The following SRPK2 variants were observed in gnomAD, a reference collection of about 807,000 sequenced individuals.
The protein encoded by SRPK2 is SFRS protein kinase 2.
In SRPK2, 21 loss-of-function variants were observed where a neutral mutation model predicts 90.8. The ratio of observed to expected loss-of-function variants is 0.23; its 90% CI spans 0.16 to 0.33. SRPK2 has a LOEUF of 0.33. Ranked by LOEUF, SRPK2 falls within the 10% of genes least tolerant of loss-of-function variation. The pLI is 1.00. For missense variants in SRPK2, 620 were observed against 869.0 expected (o/e 0.71, Z 3.60); for synonymous variants, 288 against 311.1 (o/e 0.93, Z 0.78).
At chr7:105,333,416 TTTAA>T (rs1275323670) in intron 2 of SRPK2, among the ~76,000 whole-genome samples, 5 of 152,292 alleles carry the variant, frequency 3.3e-5, no homozygotes, top group African/African-American at 1.2e-4. Context: ...AAGTGACAAA[TTTAA>T]TTAACGTTTA....
chr7:105,350,529 CTTTTTT>C (rs71152961), intron 2 of SRPK2, among the ~76,000 whole-genome samples: 2 of 127,350 alleles, frequency 1.6e-5, no homozygotes, highest in Non-Finnish European at 3.2e-5. Context: ...AATTTTTTTT[CTTTTTT>C]TTTTTTTTTT....
upstream of SRPK2, among the ~76,000 whole-genome samples, chr7:105,393,700 T>C (rs1728031359): frequency 6.6e-6 from 1 of 152,200 alleles, no homozygotes; most frequent in Admixed American, 6.6e-5. Context: ...TCAGCCATTT[T>C]AAAATATAGA....
chr7:105,222,313 C>T (rs1311731659), intron 2 of SRPK2, among the ~76,000 whole-genome samples: 4 of 152,230 alleles, frequency 2.6e-5, no homozygotes, highest in Admixed American at 2.6e-4. Context: ...CTTGCACAGA[C>T]TTTAATAGAG....
intron 2 of SRPK2, among the ~76,000 whole-genome samples, chr7:105,237,033 G>T (rs1800227930): frequency 6.6e-6 from 1 of 152,168 alleles, no homozygotes; most frequent in South Asian, 2.1e-4. Context: ...GTAAAGACAG[G>T]CACTGGGCCT....
intron 2 of SRPK2, among the ~76,000 whole-genome samples, chr7:105,285,385 CAAAAAA>C (rs58399129): frequency 0.41 from 43,637 of 105,632 alleles, 7,268 homozygotes; most frequent in Non-Finnish European, 0.5. Context: ...ACCCCGTCTC[CAAAAAA>C]AAAAAAAAAA....
intron 2 of SRPK2, among the ~76,000 whole-genome samples, chr7:105,204,079 T>C (rs1402578317): frequency 1.3e-5 from 2 of 152,120 alleles, no homozygotes; most frequent in Admixed American, 6.6e-5. Context: ...TGCGCTCCAC[T>C]CAACTCCTAC....
chr7:105,176,248 C>T (rs1252743970), intron 3 of SRPK2, among the ~76,000 whole-genome samples: 1 of 152,150 alleles, frequency 6.6e-6, no homozygotes, highest in Non-Finnish European at 1.5e-5. Context: ...ACATCAGACA[C>T]AGAAAATCAT....
chr7:105,256,739 C>T (rs1017505554), intron 2 of SRPK2, among the ~76,000 whole-genome samples: 5 of 152,192 alleles, frequency 3.3e-5, no homozygotes, highest in African/African-American at 1.2e-4. Context: ...GCAGGCAAAA[C>T]TTGCCCGGTA....
At chr7:105,235,586 G>A (rs1395897489) in intron 2 of SRPK2, among the ~76,000 whole-genome samples, 1 of 152,004 alleles carries the variant, frequency 6.6e-6, no homozygotes. Flanking sequence ...TTTCCATTTG[G>A]TTTTATACAC....
At chr7:105,360,988 G>C (rs1818360554) in intron 2 of SRPK2, among the ~76,000 whole-genome samples, 1 of 152,116 alleles carries the variant, frequency 6.6e-6, no homozygotes, top group Non-Finnish European at 1.5e-5. Context: ...GGGCAATCAG[G>C]CAAGAGAAAG....
At chr7:105,160,169 T>C (rs1807376736) in intron 7 of SRPK2, 1 of 163,868 alleles carries the variant, frequency 6.1e-6, no homozygotes, top group Non-Finnish European at 1.3e-5. Context: ...TTATTTCTTC[T>C]AAATTACTTC....
intron 2 of SRPK2, among the ~76,000 whole-genome samples, chr7:105,358,223 CAAAAAAAAAAAAA>C (rs976713048): frequency 1.9e-5 from 1 of 53,648 alleles, no homozygotes; most frequent in African/African-American, 8.6e-5. Flanking sequence ...GACTCCGTCT[CAAAAAAAAAAAAA>C]AAAAAAAAAC....
At chr7:105,119,583 G>C (rs181997346) in intron 15 of SRPK2, among the ~76,000 whole-genome samples, 30 of 152,322 alleles carry the variant, frequency 2.0e-4, no homozygotes, top group African/African-American at 6.7e-4. Flanking sequence ...ACTGGAGCTA[G>C]AGTAAAGCAT....
chr7:105,151,572 T>C (rs536811967), intron 7 of SRPK2, among the ~76,000 whole-genome samples: 1 of 152,362 alleles, frequency 6.6e-6, no homozygotes, highest in East Asian at 1.9e-4. Flanking sequence ...GATCCCGCTA[T>C]GTTCCCAGGC....
At chr7:105,316,910 C>T (rs1428054690) in intron 2 of SRPK2, among the ~76,000 whole-genome samples, 1 of 152,196 alleles carries the variant, frequency 6.6e-6, no homozygotes, top group South Asian at 2.1e-4. Flanking sequence ...ATCTAGTGTA[C>T]ATGACAGTTA....
At chr7:105,186,508 G>C (rs1325447639) in intron 3 of SRPK2, among the ~76,000 whole-genome samples, 1 of 152,180 alleles carries the variant, frequency 6.6e-6, no homozygotes, top group African/African-American at 2.4e-5. Context: ...CATCCATGTT[G>C]CTGCAAAGGA....
chr7:105,148,319 G>A (rs1804971123), intron 7 of SRPK2, among the ~76,000 whole-genome samples: 1 of 152,138 alleles, frequency 6.6e-6, no homozygotes, highest in Non-Finnish European at 1.5e-5. Context: ...TTGGTATCTA[G>A]ACAACCCTAC....
At chr7:105,398,270 A>G (rs1822383133) in intron 1 of SRPK2, among the ~76,000 whole-genome samples, 1 of 152,206 alleles carries the variant, frequency 6.6e-6, no homozygotes, top group African/African-American at 2.4e-5. Flanking sequence ...CAGTGGAGTC[A>G]CTAAATCATG....
At chr7:105,339,652 T>C (rs1371648327) in intron 2 of SRPK2, among the ~76,000 whole-genome samples, 1 of 152,234 alleles carries the variant, frequency 6.6e-6, no homozygotes, top group African/African-American at 2.4e-5. Flanking sequence ...TTTTCATTGA[T>C]AGTGCAATAG....
Sources: gnomAD v4.1 joint callset for allele counts (sites outside exome capture counted in the v4.1 genomes callset) on GRCh38, gnomAD v4.1.1 for gene constraint, MANE v1.5 for transcripts, NCBI Gene and HGNC (gene_info 2026-07-23, HGNC 2026-07-21) for gene names.